Variants in FMNL2 observed in about 807,000 individuals in gnomAD.
FMNL2 encodes formin like 2.
FMNL2 carries 51 observed loss-of-function variants against 130.2 expected under a neutral mutation model. The observed-to-expected ratio is 0.39, with a 90% CI of 0.31 to 0.49. The LOEUF (loss-of-function observed/expected upper bound fraction) is 0.49. Among genes scored for constraint, FMNL2 ranks in the 20% least tolerant of loss-of-function variants. FMNL2 has a pLI of 0.85. For synonymous variants in FMNL2, 465 were observed against 467.1 expected, an observed-to-expected ratio of 1.00 and a Z score of 0.06; for missense variants, 977 against 1,316.2, an observed-to-expected ratio of 0.74 and a Z score of 3.99.
intron 15 of FMNL2, among the ~76,000 whole-genome samples, chr2:152,621,767 C>T (rs1434861281): frequency 6.6e-6 from 1 of 152,110 alleles, no homozygotes; most frequent in African/African-American, 2.4e-5. Flanking sequence ...AGATGTTTTG[C>T]TAGTGTGTTG....
At chr2:152,587,398 T>A (rs567877814) in intron 9 of FMNL2, among the ~76,000 whole-genome samples, 6 of 152,380 alleles carry the variant, frequency 3.9e-5, no homozygotes, top group African/African-American at 1.4e-4. Flanking sequence ...TATACCTCAG[T>A]AAGTCTCGTA....
At chr2:152,485,350 G>T (rs746841055) in intron 1 of FMNL2, among the ~76,000 whole-genome samples, 1 of 152,162 alleles carries the variant, frequency 6.6e-6, no homozygotes, top group Non-Finnish European at 1.5e-5. Flanking sequence ...AATTAGCCAG[G>T]CATGGTGGTG....
rs375405875 is a variant in FMNL2, at chr2:152,391,562, G to A, written c.117+55842G>A. 7.2e-5 allele frequency among the ~76,000 whole-genome samples: 11 copies of A among 152,130 alleles called. No homozygotes were observed. The East Asian group carries it at 7.8e-4, about 11-fold the overall frequency. On this transcript the variant is annotated intron_variant, in intron 1 of 25. Transcript: ENST00000288670. Reference sequence around the variant, plus strand: ...GTGATAGGAATAGAGCTGTGTGCCAGGGGTGGCAAGTTGACTCTGTTGGTT... The same window carrying A: ...GTGATAGGAATAGAGCTGTGTGCCAAGGGTGGCAAGTTGACTCTGTTGGTT...
intron 21 of FMNL2, among the ~76,000 whole-genome samples, chr2:152,634,249 A>G (rs1005380842): frequency 1.3e-5 from 2 of 152,196 alleles, no homozygotes; most frequent in Non-Finnish European, 2.9e-5. Context: ...CGTGGCCAAC[A>G]TAGCGAAACC....
At position 152,649,030 on chromosome 2, in the gene FMNL2, T is replaced by C. The variant is rs900760447; in HGVS notation, c.*1125T>C. ...CTTGATCCATTCCAAAGTCAAAAAC[T>C]GGACTGAAGCTAAATTTGTACTTTT... On this transcript the variant is annotated 3_prime_UTR_variant, in exon 26 of 26. Coordinates refer to ENST00000288670, the MANE Select transcript of FMNL2 (RefSeq NM_052905.4). 5.2e-5 allele frequency: 8 copies of C among 152,636 alleles called. No individual in the cohort carries two copies. The highest frequency in any genetic ancestry group is 1.7e-4 in the African/African-American group (7 of 41,466). The allele number at this position is 152,636 out of a possible 1,614,324, so 9.5% of individuals were successfully genotyped here.
chr2:152,366,124 A>T (rs1683519982), intron 1 of FMNL2, among the ~76,000 whole-genome samples: 1 of 152,092 alleles, frequency 6.6e-6, no homozygotes, highest in Non-Finnish European at 1.5e-5. Context: ...AGAAATTTGG[A>T]AGATTACTGG....
chr2:152,595,853 G>A (rs536536727), intron 9 of FMNL2, among the ~76,000 whole-genome samples: 1 of 151,998 alleles, frequency 6.6e-6, no homozygotes, highest in South Asian at 2.1e-4. Context: ...GTGACAGAGT[G>A]GGTACATCCC....
intron 1 of FMNL2, among the ~76,000 whole-genome samples, chr2:152,399,968 T>C (rs1367930999): frequency 6.6e-6 from 1 of 151,866 alleles, no homozygotes; most frequent in Non-Finnish European, 1.5e-5. Context: ...GGGAAAGTGG[T>C]GTGACATTTA....
At chr2:152,557,110 A>G (rs1411370639) in intron 4 of FMNL2, among the ~76,000 whole-genome samples, 6 of 152,188 alleles carry the variant, frequency 3.9e-5, no homozygotes, top group Admixed American at 2.6e-4. Flanking sequence ...CTAAGCTTCT[A>G]ATTACTAGTA....
At chr2:152,589,702 T>C (rs145395745) in intron 9 of FMNL2, among the ~76,000 whole-genome samples, 8 of 152,162 alleles carry the variant, frequency 5.3e-5, no homozygotes, top group African/African-American at 1.9e-4. Context: ...TCACCAACTC[T>C]AAAAAGCATT....
chr2:152,555,878 G>A (rs1284738359), intron 4 of FMNL2, among the ~76,000 whole-genome samples: 1 of 152,180 alleles, frequency 6.6e-6, no homozygotes, highest in East Asian at 1.9e-4. Flanking sequence ...AGGTGAAATG[G>A]AACTAATTTG....
At chr2:152,407,931 C>T (rs1686077245) in intron 1 of FMNL2, among the ~76,000 whole-genome samples, 1 of 152,168 alleles carries the variant, frequency 6.6e-6, no homozygotes, top group African/African-American at 2.4e-5. Context: ...CCAAGGTATC[C>T]AGCATTTTGT....
At chr2:152,567,592 A>C (rs1427867667) in intron 6 of FMNL2, among the ~76,000 whole-genome samples, 1 of 152,202 alleles carries the variant, frequency 6.6e-6, no homozygotes, top group Admixed American at 6.5e-5. Flanking sequence ...ATTGATAGAA[A>C]AAATATGCCC....
chr2:152,514,894 T>G (rs1692677517), intron 1 of FMNL2, among the ~76,000 whole-genome samples: 1 of 152,148 alleles, frequency 6.6e-6, no homozygotes, highest in African/African-American at 2.4e-5. Flanking sequence ...ACATACATTA[T>G]CGAATTTAAT....
intron 1 of FMNL2, among the ~76,000 whole-genome samples, chr2:152,449,827 T>C (rs1688536431): frequency 6.6e-6 from 1 of 152,258 alleles, no homozygotes. Context: ...AGCATTAATG[T>C]GGCTACATGT....
chr2:152,335,554 C>A lies in FMNL2; in HGVS notation c.-50C>A. 1 of 1,491,098 alleles carries A rather than the reference C, an allele frequency of 6.7e-7. No homozygotes were observed. 92.4% of individuals were successfully genotyped at this position (1,491,098 alleles called of 1,614,324 possible). A position where few individuals can be genotyped will look rare whatever the true frequency, so the allele number is the denominator to read the frequency against. Reference sequence around the variant, plus strand: ...CGCCGGGAGCTGTTCTGATTTCCGACGCGCACGCTAGGGGCCCGGAGCAGC... The same window carrying A: ...CGCCGGGAGCTGTTCTGATTTCCGAAGCGCACGCTAGGGGCCCGGAGCAGC... On this transcript the variant is annotated 5_prime_UTR_variant, in exon 1 of 26. Transcript: ENST00000288670.
chr2:152,579,559 A>C (rs1222779632), intron 8 of FMNL2, among the ~76,000 whole-genome samples: 1 of 152,078 alleles, frequency 6.6e-6, no homozygotes, highest in Non-Finnish European at 1.5e-5. Context: ...TTAGCCAGAC[A>C]TGGTGGCACA....
At chr2:152,537,541 A>G (rs1694059609) in intron 2 of FMNL2, among the ~76,000 whole-genome samples, 1 of 152,330 alleles carries the variant, frequency 6.6e-6, no homozygotes, top group Non-Finnish European at 1.5e-5. Context: ...ACTTATGTCT[A>G]CTGAACCTGC....
intron 9 of FMNL2, among the ~76,000 whole-genome samples, chr2:152,599,405 CTTTTTTT>C (rs35753197): frequency 1.1e-4 from 5 of 45,070 alleles, no homozygotes; most frequent in Non-Finnish European, 1.6e-4. Flanking sequence ...TGAAGGTCAT[CTTTTTTT>C]TTTTTTTTTT....
Sources: allele counts gnomAD v4.1 joint callset (sites outside exome capture counted in the v4.1 genomes callset), GRCh38; gene constraint gnomAD v4.1.1; transcripts MANE v1.5; gene names NCBI Gene and HGNC (gene_info 2026-07-23, HGNC 2026-07-21).